SH3GL1: variants seen among roughly 807,000 people sequenced by gnomAD.
SH3GL1 encodes endophilin-A2.
Under a neutral mutation model 48.8 loss-of-function variants are expected in SH3GL1, and 21 were observed. The observed-to-expected ratio is 0.43, with a 90% confidence interval of 0.30 to 0.62. The LOEUF (loss-of-function observed/expected upper bound fraction) is 0.62, where lower values mean the gene tolerates loss of function less well. Ranked by LOEUF, SH3GL1 falls within the 20% of genes least tolerant of loss-of-function variation. The pLI, the probability that SH3GL1 is intolerant of heterozygous loss-of-function variation, is 0.11. For synonymous variants in SH3GL1, 282 were observed against 217.5 expected, an observed-to-expected ratio of 1.30 and a Z score of -2.61; for missense variants, 454 against 503.0, an observed-to-expected ratio of 0.90 and a Z score of 0.93.
At chr19:4,392,517 G>GTC (rs970750971) in intron 1 of SH3GL1, among the ~76,000 whole-genome samples, 2 of 110,014 alleles carry the variant, frequency 1.8e-5, no homozygotes, top group Admixed American at 2.1e-4. Context: ...GCAAGACTCC[G>GTC]TCACACACAC....
chr19:4,384,148 A>C (rs1973190466), intron 1 of SH3GL1, among the ~76,000 whole-genome samples: 1 of 152,188 alleles, frequency 6.6e-6, no homozygotes, highest in Non-Finnish European at 1.5e-5. Flanking sequence ...CTGAAAACGC[A>C]GGCTCCAGAG....
At chr19:4,366,625 A>G (rs1972786462) in intron 2 of SH3GL1, 52 bp from the exon 3 acceptor site, 2 of 1,517,996 alleles carry the variant, frequency 1.3e-6, no homozygotes, top group Non-Finnish European at 1.8e-6. Context: ...GGCCCAAGGC[A>G]CACAAGACCC....
At chr19:4,364,907 TATATATATA>T (rs1413663888) in intron 4 of SH3GL1, among the ~76,000 whole-genome samples, 1 of 140,288 alleles carries the variant, frequency 7.1e-6, no homozygotes, top group African/African-American at 2.9e-5. Flanking sequence ...TGTATATATA[TATATATATA>T]TTTTTTTTTT....
Position 4,363,483 on chromosome 19 carries a change from C to A in SH3GL1, c.625-10G>T. ...GACTCACCTGCTCGATCTGTGGGGA[C>A]AGTAGGGCTCAGGGGCTCCTGCCAG... On this transcript the variant is annotated splice_polypyrimidine_tract_variant and intron_variant, in intron 6 of 9. Coordinates refer to ENST00000269886, the MANE Select transcript of SH3GL1 (RefSeq NM_003025.4). 1 of 1,607,262 alleles carries A rather than the reference C, an allele frequency of 6.2e-7. No homozygotes were observed. The highest frequency in any genetic ancestry group is 8.5e-7 in the Non-Finnish European group (1 of 1,176,104).
At chr19:4,371,394 T>A (rs1972897094) in intron 1 of SH3GL1, among the ~76,000 whole-genome samples, 2 of 152,182 alleles carry the variant, frequency 1.3e-5, no homozygotes, top group Non-Finnish European at 2.9e-5. Flanking sequence ...GGAGGAAAAT[T>A]CCGAATCCTG....
chr19:4,385,819 G>A (rs1218487113), intron 1 of SH3GL1, among the ~76,000 whole-genome samples: 1 of 152,224 alleles, frequency 6.6e-6, no homozygotes, highest in African/African-American at 2.4e-5. Flanking sequence ...CATTCCAGCG[G>A]CCTCCGAGCC....
At position 4,362,393 on chromosome 19, in the gene SH3GL1, C is replaced by T. The variant is rs371229186; in HGVS notation, c.854-8G>A. The T allele has an allele frequency of 5.0e-6, 8 of 1,609,372 alleles. No individual in the cohort carries two copies. In the African/African-American group the frequency reaches 6.7e-5, roughly 13 times the overall value. On this transcript the variant is annotated splice_region_variant and splice_polypyrimidine_tract_variant and intron_variant, in intron 8 of 9. Coordinates refer to ENST00000269886, the MANE Select transcript of SH3GL1 (RefSeq NM_003025.4). ...ATCGGAAAGACGATGAAGCTAAACACAAGCAAAACGAGGAGGCTGTGGGCT... is the reference window on the plus strand; with the variant it reads ...ATCGGAAAGACGATGAAGCTAAACATAAGCAAAACGAGGAGGCTGTGGGCT...
intron 1 of SH3GL1, among the ~76,000 whole-genome samples, chr19:4,379,726 T>C (rs946243386): frequency 6.6e-6 from 1 of 152,044 alleles, no homozygotes; most frequent in Non-Finnish European, 1.5e-5. Flanking sequence ...AGAACGTGCC[T>C]CTGTGCATGG....
chr19:4,364,866 TTGTGTGTGTGTGTG>T lies in SH3GL1; in HGVS notation c.331+602_331+615del, dbSNP rs373324973. Among the ~76,000 whole-genome samples, 283 of 97,122 alleles carry T rather than the reference TTGTGTGTGTGTGTG, an allele frequency of 2.9e-3. 2 individuals carry two copies. The highest frequency in any genetic ancestry group is 5.8e-3 in the African/African-American group (108 of 18,720). 63.7% of individuals were successfully genotyped at this position (97,122 alleles called of 152,430 possible). ...GGCATGCACTACCACACCCGGCTAA[TTGTGTGTGTGTGTG>T]TGTGTGTGTGTGTGTGTGTATATAT... is the stretch of plus-strand genomic sequence containing the variant. On this transcript the variant is annotated intron_variant, in intron 4 of 9. Coordinates refer to ENST00000269886, the MANE Select transcript of SH3GL1 (RefSeq NM_003025.4).
chr19:4,363,001 G>A (rs564056638), intron 7 of SH3GL1, among the ~76,000 whole-genome samples: 31 of 152,202 alleles, frequency 2.0e-4, no homozygotes, highest in East Asian at 5.8e-4. Flanking sequence ...ACCCCCAGTC[G>A]CATCCCCTGC....
chr19:4,362,194 C>T, intron 9 of SH3GL1, 135 bp downstream of exon 9: 5 of 912,714 alleles, frequency 5.5e-6, no homozygotes, highest in Non-Finnish European at 8.7e-6. Flanking sequence ...GCTGTGGGGC[C>T]TGTGCCCCCT....
At chr19:4,369,380 G>A (rs1364247347) in intron 1 of SH3GL1, among the ~76,000 whole-genome samples, 2 of 152,330 alleles carry the variant, frequency 1.3e-5, no homozygotes, top group African/African-American at 4.8e-5. Flanking sequence ...GAAGCCGGGA[G>A]GAGAACTGAA....
intron 1 of SH3GL1, among the ~76,000 whole-genome samples, chr19:4,397,258 C>T (rs552889832): frequency 1.3e-5 from 2 of 152,202 alleles, no homozygotes; most frequent in Non-Finnish European, 2.9e-5. Flanking sequence ...GAGGCCAAGA[C>T]GACAGCCCCG....
chr19:4,366,825 C>G (rs1972791581), intron 2 of SH3GL1, 101 bp downstream of exon 2: 1 of 1,248,924 alleles, frequency 8.0e-7, no homozygotes, highest in Non-Finnish European at 1.2e-6. Flanking sequence ...CCCCATCACT[C>G]CAGACCCAGG....
chr19:4,383,448 G>A (rs888641364), intron 1 of SH3GL1, among the ~76,000 whole-genome samples: 2 of 151,824 alleles, frequency 1.3e-5, no homozygotes, highest in African/African-American at 2.4e-5. Context: ...TGCCCATGCT[G>A]GTCTCAAACT....
Position 4,386,807 on chromosome 19 carries a change from G to A in SH3GL1, c.45+13517C>T, listed in dbSNP as rs1177674456. Among the ~76,000 whole-genome samples, 31 of 152,164 alleles carry A rather than the reference G, an allele frequency of 2.0e-4. 1 individual carries two copies. The highest frequency in any genetic ancestry group is 2.0e-3 in the Admixed American group (30 of 15,278). On this transcript the variant is annotated intron_variant, in intron 1 of 9. Transcript: ENST00000269886. ...GAGGCGAGACTGCAGAGGGCATGGC[G>A]GTGGGCCCCAAGGGAAAAGGCAACG...
rs1973504205 is a variant in SH3GL1, at chr19:4,400,465, G to GCCGCCT, written c.-103_-98dup. On this transcript the variant is annotated 5_prime_UTR_variant, in exon 1 of 10. Coordinates refer to ENST00000269886, the MANE Select transcript of SH3GL1 (RefSeq NM_003025.4). The surrounding 1 kb of genome is among the most constrained non-coding windows in gnomAD (Gnocchi z 4.1). ...GCGCGCCTCAGCAGTCCCCGTCGGC[G>GCCGCCT]CCGCCTCCGCCACCCGCTTGCCAGC... 1.8e-6 allele frequency: 2 copies of GCCGCCT among 1,089,114 alleles called. No homozygotes were observed. Among genetic ancestry groups the GCCGCCT allele is most frequent in the African/African-American group, 3.3e-5 (2 of 59,886 alleles). 67.5% of individuals were successfully genotyped at this position (1,089,114 alleles called of 1,614,324 possible). A position where few individuals can be genotyped will look rare whatever the true frequency, so the allele number is the denominator to read the frequency against.
At chr19:4,370,065 A>T in intron 1 of SH3GL1, among the ~76,000 whole-genome samples, 1 of 152,224 alleles carries the variant, frequency 6.6e-6, no homozygotes, top group South Asian at 2.1e-4. Flanking sequence ...GAGGGGACCG[A>T]GAGTCTGCGG....
At chr19:4,375,260 G>A (rs1972984592) in intron 1 of SH3GL1, among the ~76,000 whole-genome samples, 1 of 152,134 alleles carries the variant, frequency 6.6e-6, no homozygotes, top group African/African-American at 2.4e-5. Flanking sequence ...GCCGCCTCTG[G>A]GCAGATGTCT....
Sources: allele counts gnomAD v4.1 joint callset (sites outside exome capture counted in the v4.1 genomes callset), GRCh38; gene constraint gnomAD v4.1.1; non-coding constraint Gnocchi (gnomAD v3.1); transcripts MANE v1.5; gene names NCBI Gene and HGNC (gene_info 2026-07-23, HGNC 2026-07-21).